Variants in RPTOR observed in about 807,000 individuals in gnomAD.
The protein encoded by RPTOR is regulatory associated protein of MTOR complex 1.
RPTOR carries 21 observed loss-of-function variants against 169.9 expected under a neutral mutation model. The observed-to-expected ratio is 0.12, with a 90% CI of 0.09 to 0.18. The LOEUF is 0.18. Among genes scored for constraint, RPTOR ranks in the 10% least tolerant of loss-of-function variants. The pLI is 1.00. For missense variants in RPTOR, 1,133 were observed against 1,855.9 expected (o/e 0.61, Z 7.16); for synonymous variants, 732 against 753.2 (o/e 0.97, Z 0.46).
chr17:80,743,508 G>A (rs887587475), intron 5 of RPTOR: 27 of 949,266 alleles, frequency 2.8e-5, no homozygotes, highest in Non-Finnish European at 3.4e-5. Flanking sequence ...CGTTCGGAGT[G>A]CTGGGCATTG....
chr17:80,771,278 C>T (rs968224497), intron 6 of RPTOR, among the ~76,000 whole-genome samples: 4 of 152,188 alleles, frequency 2.6e-5, no homozygotes, highest in South Asian at 2.1e-4. Flanking sequence ...GCTCATCCAG[C>T]GATCACTATC....
chr17:80,755,535 G>A (rs2066671841), intron 6 of RPTOR, among the ~76,000 whole-genome samples: 1 of 152,020 alleles, frequency 6.6e-6, no homozygotes, highest in Non-Finnish European at 1.5e-5. Context: ...CCAGGAGTTC[G>A]AGACTAGCCT....
At chr17:80,892,303 T>C (rs2068335610) in intron 18 of RPTOR, among the ~76,000 whole-genome samples, 1 of 152,054 alleles carries the variant, frequency 6.6e-6, no homozygotes, top group African/African-American at 2.4e-5. Context: ...GTCTCTGCCG[T>C]GCAGGGGCTT....
chr17:80,574,827 ATTT>A (rs555426915), intron 1 of RPTOR, among the ~76,000 whole-genome samples: 1 of 121,432 alleles, frequency 8.2e-6, no homozygotes, highest in Non-Finnish European at 1.6e-5. Context: ...AGCTTATTTA[ATTT>A]TTTTTTTTTT....
chr17:80,873,473 T>C lies in RPTOR; in HGVS notation c.1510-6942T>C, dbSNP rs2068073142. ...ATGCATGTTTTTGTCCTCACAGAGC[T>C]GAAATCTAGCCCGGAAGGTGGAGGG... On this transcript the variant is annotated intron_variant, in intron 13 of 33. Coordinates refer to ENST00000306801, the MANE Select transcript of RPTOR (RefSeq NM_020761.3). 2.6e-5 allele frequency among the ~76,000 whole-genome samples: 4 copies of C among 152,220 alleles called. 1 individual carries two copies. The highest frequency in any genetic ancestry group is 7.2e-5 in the African/African-American group (3 of 41,456).
At chr17:80,670,685 C>G (rs887335556) in intron 3 of RPTOR, among the ~76,000 whole-genome samples, 10 of 152,176 alleles carry the variant, frequency 6.6e-5, no homozygotes, top group African/African-American at 2.2e-4. Flanking sequence ...AGTCCACACA[C>G]GCATTCAGCT....
Position 80,708,004 on chromosome 17 carries a change from G to A in RPTOR, c.507+5G>A. 6.2e-7 allele frequency: 1 copy of A among 1,610,222 alleles called. No homozygotes were observed. Among genetic ancestry groups the A allele is most frequent in the Non-Finnish European group, 8.5e-7 (1 of 1,178,292 alleles). On this transcript the variant is annotated splice_donor_5th_base_variant and intron_variant, in intron 4 of 33. Coordinates refer to ENST00000306801, the MANE Select transcript of RPTOR (RefSeq NM_020761.3). This position sits in a 1 kb window ranked among gnomAD's most constrained non-coding sequence, Gnocchi z 4.2. ...GAGGTCTGGGTCTTCAACAAGGTGG[G>A]TGTGCCTTCCAGCTTCCTTCCCGTT...
chr17:80,727,034 G>A (rs533504779), intron 4 of RPTOR, among the ~76,000 whole-genome samples: 3 of 152,204 alleles, frequency 2.0e-5, no homozygotes, highest in South Asian at 2.1e-4. Context: ...ACCACGTCAC[G>A]CTGCGAGAAC....
intron 3 of RPTOR, among the ~76,000 whole-genome samples, chr17:80,679,546 C>A (rs2065883356): frequency 6.6e-6 from 1 of 152,174 alleles, no homozygotes; most frequent in Non-Finnish European, 1.5e-5. Flanking sequence ...GAATTTCTGT[C>A]ATTTTTCCCT....
chr17:80,770,344 G>A (rs929551319), intron 6 of RPTOR, among the ~76,000 whole-genome samples: 6 of 152,202 alleles, frequency 3.9e-5, no homozygotes, highest in Non-Finnish European at 7.3e-5. Flanking sequence ...TAGGAGGGAC[G>A]TGCCTTCTCA....
At chr17:80,678,044 A>T (rs1414620330) in intron 3 of RPTOR, among the ~76,000 whole-genome samples, 2 of 152,364 alleles carry the variant, frequency 1.3e-5, no homozygotes, top group East Asian at 3.9e-4. Context: ...TGTAAAAGCC[A>T]TGTCCTCAGT....
chr17:80,557,582 A>G lies in RPTOR; in HGVS notation c.162+11791A>G, dbSNP rs115567609. Among the ~76,000 whole-genome samples, 1,239 of 152,220 alleles carry G rather than the reference A, an allele frequency of 8.1e-3. 24 individuals carry two copies. The highest frequency in any genetic ancestry group is 0.028 in the African/African-American group (1,162 of 41,534). ...TAAGGAGGTATTTTGGTCATCTACA[A>G]TACTTGTTTCAGGAGAGCTGAAGTT... On this transcript the variant is annotated intron_variant, in intron 1 of 33. Coordinates refer to ENST00000306801, the MANE Select transcript of RPTOR (RefSeq NM_020761.3).
rs1449407464 is a variant in RPTOR at position 80,834,223 on chromosome 17, A to G, written c.1137-3699A>G. On this transcript the variant is annotated intron_variant, in intron 9 of 33. Coordinates refer to ENST00000306801, the MANE Select transcript of RPTOR (RefSeq NM_020761.3). ...CAGGCCGAGCTGTGGCTTGAGGTTC[A>G]GGGCCGCTTCACTGTGTGCTGATAA... Among the ~76,000 whole-genome samples the G allele has an allele frequency of 2.6e-5, 4 of 152,210 alleles. No individual in the cohort carries two copies. The East Asian group carries it at 7.7e-4, about 29-fold the overall frequency.
intron 9 of RPTOR, among the ~76,000 whole-genome samples, chr17:80,828,172 G>A (rs1005362201): frequency 6.6e-6 from 1 of 152,202 alleles, no homozygotes; most frequent in Non-Finnish European, 1.5e-5. Flanking sequence ...TTGTCAGCGT[G>A]AGGAAGCTTC....
At chr17:80,816,643 A>T (rs937347822) in intron 7 of RPTOR, among the ~76,000 whole-genome samples, 5 of 152,106 alleles carry the variant, frequency 3.3e-5, no homozygotes, top group Non-Finnish European at 5.9e-5. Context: ...GACAGTCAGG[A>T]TTTGCAGATT....
intron 3 of RPTOR, among the ~76,000 whole-genome samples, chr17:80,688,280 C>T (rs2065964155): frequency 6.6e-6 from 1 of 152,210 alleles, no homozygotes; most frequent in Non-Finnish European, 1.5e-5. Flanking sequence ...CAGCCCCAAA[C>T]ACACACAATT....
At chr17:80,698,790 C>T (rs528053739) in intron 3 of RPTOR, among the ~76,000 whole-genome samples, 19 of 152,352 alleles carry the variant, frequency 1.2e-4, no homozygotes, top group African/African-American at 4.6e-4. Flanking sequence ...CAGTCCTTTT[C>T]CTTCTGTCTT....
At chr17:80,891,684 CCA>C (rs879162805) in intron 17 of RPTOR, 34 bp from the exon 18 acceptor site, 15 of 1,370,538 alleles carry the variant, frequency 1.1e-5, no homozygotes, top group African/African-American at 1.5e-5. Context: ...TTTTCCAGCC[CCA>C]GTGACTGTTA....
chr17:80,588,330 T>C (rs1200570315), intron 1 of RPTOR, among the ~76,000 whole-genome samples: 1 of 152,096 alleles, frequency 6.6e-6, no homozygotes, highest in African/African-American at 2.4e-5. Context: ...GCCTGGCTAA[T>C]TTTTGTATTT....
Sources: allele counts gnomAD v4.1 joint callset (sites outside exome capture counted in the v4.1 genomes callset), GRCh38; gene constraint gnomAD v4.1.1; non-coding constraint Gnocchi (gnomAD v3.1); transcripts MANE v1.5; gene names NCBI Gene and HGNC (gene_info 2026-07-23, HGNC 2026-07-21).